MANSC4: variants seen among roughly 807,000 people sequenced by gnomAD.
MANSC4 encodes the protein MANSC domain containing 4.
MANSC4 carries 11 observed loss-of-function variants against 11.4 expected under a neutral mutation model. That is an observed-to-expected ratio of 0.97 (90% confidence interval 0.61 to 1.60). The LOEUF is 1.60. MANSC4 is among the 40% of genes most tolerant of loss of function. The pLI, the probability that MANSC4 is intolerant of heterozygous loss-of-function variation, is 0.00. For missense variants in MANSC4, 354 were observed against 404.6 expected (o/e 0.88, Z 1.07); for synonymous variants, 123 against 147.1 (o/e 0.84, Z 1.19).
rs554025932 is a variant in MANSC4, at chr12:27,763,929, T to C, written c.365-533A>G. On this transcript the variant is annotated intron_variant, in intron 3 of 3. Coordinates refer to ENST00000381273, the MANE Select transcript of MANSC4 (RefSeq NM_001146221.5). ...TATTTTTTTTGTAGAGATGGAGTTT[T>C]GTCATGTTGCCCAGGCTGGTCCCAA... is the stretch of plus-strand genomic sequence containing the variant. 2.6e-5 allele frequency among the ~76,000 whole-genome samples: 4 copies of C among 152,092 alleles called. No homozygotes were observed. In the South Asian group the frequency reaches 8.3e-4, roughly 32 times the overall value.
intron 1 of MANSC4, among the ~76,000 whole-genome samples, chr12:27,772,933 T>C (rs1266133114): frequency 6.6e-6 from 1 of 152,250 alleles, no homozygotes; most frequent in Non-Finnish European, 1.5e-5. Flanking sequence ...TTGTGTGCTA[T>C]ATAATTCTTT....
At chr12:27,773,605 G>A (rs139218145) in intron 1 of MANSC4, among the ~76,000 whole-genome samples, 11 of 152,334 alleles carry the variant, frequency 7.2e-5, no homozygotes, top group African/African-American at 2.6e-4. Flanking sequence ...TAAAAGTCAC[G>A]ACAGCCTGAT....
intron 1 of MANSC4, among the ~76,000 whole-genome samples, chr12:27,772,270 T>A (rs1205914273): frequency 1.3e-5 from 2 of 152,216 alleles, no homozygotes; most frequent in Non-Finnish European, 2.9e-5. Context: ...TTGTATCCAA[T>A]TTTATATGAA....
Position 27,771,285 on chromosome 12 carries a change from T to C in MANSC4, c.-9A>G. On this transcript the variant is annotated 5_prime_UTR_variant, in exon 2 of 4. In the 5' UTR this introduces an upstream ATG that the reference lacks. Coordinates refer to ENST00000381273, the MANE Select transcript of MANSC4 (RefSeq NM_001146221.5). ...ACCTCTGCCACATGCATTTTTCCTG[T>C]ATGAAGGAAGACTCGAAGATAAGTC... 1 of 1,547,828 alleles carries C rather than the reference T, an allele frequency of 6.5e-7. No individual in the cohort carries two copies. The highest frequency in any genetic ancestry group is 1.4e-5 in the African/African-American group (1 of 73,014).
chr12:27,769,077 T>G (rs1361815379), intron 2 of MANSC4, among the ~76,000 whole-genome samples: 1 of 152,226 alleles, frequency 6.6e-6, no homozygotes, highest in African/African-American at 2.4e-5. Flanking sequence ...CCATCATTAC[T>G]TCTAGGACAT....
intron 2 of MANSC4, among the ~76,000 whole-genome samples, chr12:27,768,140 T>G (rs577227322): frequency 3.2e-4 from 49 of 152,274 alleles, no homozygotes; most frequent in Non-Finnish European, 5.4e-4. Context: ...GGCTCACACC[T>G]GTAATCCTAG....
intron 3 of MANSC4, among the ~76,000 whole-genome samples, chr12:27,765,643 T>C (rs1259150042): frequency 6.6e-6 from 1 of 152,226 alleles, no homozygotes; most frequent in African/African-American, 2.4e-5. Flanking sequence ...TATTTTTGTA[T>C]TTAGTTGTGT....
intron 1 of MANSC4, among the ~76,000 whole-genome samples, chr12:27,778,663 G>A (rs897596656): frequency 6.6e-6 from 1 of 152,048 alleles, no homozygotes; most frequent in African/African-American, 2.4e-5. Context: ...AAGGTTTTCT[G>A]TTTTTGTTTT....
chr12:27,776,805 G>A (rs766065529), intron 1 of MANSC4, among the ~76,000 whole-genome samples: 1 of 152,026 alleles, frequency 6.6e-6, no homozygotes, highest in Admixed American at 6.6e-5. Flanking sequence ...TGACCATTAC[G>A]CTTCTGTAAA....
At chr12:27,779,015 C>T (rs2062131786) in intron 1 of MANSC4, among the ~76,000 whole-genome samples, 1 of 152,184 alleles carries the variant, frequency 6.6e-6, no homozygotes, top group African/African-American at 2.4e-5. Flanking sequence ...ATCACAGGCG[C>T]GTGCCACCAC....
intron 1 of MANSC4, among the ~76,000 whole-genome samples, chr12:27,775,422 T>C (rs561701001): frequency 6.6e-6 from 1 of 152,234 alleles, no homozygotes; most frequent in East Asian, 1.9e-4. Context: ...CTACAAAATT[T>C]TAAAAAATTA....
At chr12:27,770,186 A>T (rs11049129) in intron 2 of MANSC4, among the ~76,000 whole-genome samples, 26,084 of 149,842 alleles carry the variant, frequency 0.17, 2,605 homozygotes, top group Non-Finnish European at 0.24. Context: ...TTTGTGTGTG[A>T]GAGAGAGAGA....
At chr12:27,768,640 CTTTTT>C (rs59045898) in intron 2 of MANSC4, among the ~76,000 whole-genome samples, 22,083 of 128,224 alleles carry the variant, frequency 0.17, 2,252 homozygotes, top group Non-Finnish European at 0.24. Flanking sequence ...AAGGTACCGA[CTTTTT>C]TTTTTTTTTT....
chr12:27,775,841 G>A (rs1018126243), intron 1 of MANSC4, among the ~76,000 whole-genome samples: 1 of 151,520 alleles, frequency 6.6e-6, no homozygotes, highest in Non-Finnish European at 1.5e-5. Flanking sequence ...TGTAATCCCA[G>A]CACTTTGGGA....
At chr12:27,778,845 G>A (rs1565479697) in intron 1 of MANSC4, among the ~76,000 whole-genome samples, 1 of 152,200 alleles carries the variant, frequency 6.6e-6, no homozygotes, top group Non-Finnish European at 1.5e-5. Flanking sequence ...TAATTGCAAT[G>A]TTCAGTGAGA....
At chr12:27,763,567 T>C (rs2062058117) in intron 3 of MANSC4, among the ~76,000 whole-genome samples, 171 bp from the exon 4 acceptor site, 1 of 152,156 alleles carries the variant, frequency 6.6e-6, no homozygotes, top group Admixed American at 6.6e-5. Context: ...CTGGCTACAT[T>C]TGAATTTATC....
At position 27,780,220 on chromosome 12, in the gene MANSC4, C is replaced by G. The variant is rs918643841; in HGVS notation, c.-317G>C. 9.2e-7 allele frequency: 1 copy of G among 1,082,004 alleles called. No individual in the cohort carries two copies. The highest frequency in any genetic ancestry group is 4.4e-5 in the Admixed American group (1 of 22,548). 67.0% of individuals were successfully genotyped at this position (1,082,004 alleles called of 1,614,324 possible). A position where few individuals can be genotyped will look rare whatever the true frequency, so the allele number is the denominator to read the frequency against. ...GCGGGCGGCCCTCACCTCGCCGCTC[C>G]TCCCGGGCCGCCATCCCTCGGCGCC... On this transcript the variant is annotated 5_prime_UTR_variant, in exon 1 of 4. Coordinates refer to ENST00000381273, the MANE Select transcript of MANSC4 (RefSeq NM_001146221.5). This position sits in a 1 kb window ranked among gnomAD's most constrained non-coding sequence, Gnocchi z 8.8.
intron 1 of MANSC4, among the ~76,000 whole-genome samples, chr12:27,774,463 T>C (rs950070417): frequency 2.4e-4 from 36 of 151,782 alleles, no homozygotes; most frequent in African/African-American, 8.7e-4. Flanking sequence ...TATGTTCACT[T>C]TAATAATTCA....
Position 27,763,005 on chromosome 12 carries a change from G to C in MANSC4, c.756C>G (p.Leu252=). 2.6e-6 allele frequency: 4 copies of C among 1,551,716 alleles called. No individual in the cohort carries two copies. Among genetic ancestry groups the C allele is most frequent in the Non-Finnish European group, 3.5e-6 (4 of 1,147,016 alleles). Residue 252 remains leucine (L), a synonymous_variant, in exon 4 of 4, where the codon CTC becomes CTG. Transcript: ENST00000381273. ...KLSHMPVPPG[L]NSSKQLLNKT... The stretch of plus-strand genomic sequence containing the variant: ...TGTTTAGTAATTGTTTGCTACTGTT[G>C]AGTCCAGGTGGAACAGGCATATGAG...
Sources: allele counts gnomAD v4.1 joint callset (sites outside exome capture counted in the v4.1 genomes callset), GRCh38; gene constraint gnomAD v4.1.1; non-coding constraint Gnocchi (gnomAD v3.1); transcripts MANE v1.5; gene names NCBI Gene and HGNC (gene_info 2026-07-23, HGNC 2026-07-21).